ZNG1B: variants seen among roughly 807,000 people sequenced by gnomAD.
ZNG1B encodes zinc-regulated GTPase metalloprotein activator 1B.
chr2:113,443,000 G>T, the ZNG1B span, among the ~76,000 whole-genome samples: 1 of 149,010 alleles, frequency 6.7e-6, no homozygotes, highest in South Asian at 2.1e-4. Context: ...ATGGAGTCTC[G>T]CTGTGTTGCC....
the ZNG1B span, chr2:113,437,708 T>C: frequency 6.6e-7 from 1 of 1,515,446 alleles, no homozygotes; most frequent in Non-Finnish European, 8.9e-7. Flanking sequence ...GAGGCGCTTC[T>C]CGTCCAGAGC....
chr2:113,454,108 T>C, the ZNG1B span, among the ~76,000 whole-genome samples: 4 of 152,148 alleles, frequency 2.6e-5, no homozygotes, highest in Non-Finnish European at 5.9e-5. Context: ...CTGGGCCCCA[T>C]CATTGAGCTC....
chr2:113,474,078 G>C, the ZNG1B span, among the ~76,000 whole-genome samples: 1 of 151,822 alleles, frequency 6.6e-6, no homozygotes, highest in African/African-American at 2.4e-5. Context: ...GTTCCTCCTT[G>C]TACCTCTGGT....
the ZNG1B span, chr2:113,444,290 G>C: frequency 4.6e-6 from 1 of 216,482 alleles, no homozygotes; most frequent in East Asian, 1.4e-4. Flanking sequence ...GTCTACCATA[G>C]ACCCTAGAAG....
the ZNG1B span, chr2:113,469,329 G>C: frequency 6.7e-6 from 1 of 149,582 alleles, no homozygotes; most frequent in Non-Finnish European, 1.5e-5. Context: ...TTTTAGTAGA[G>C]ACGGTTTCGC....
the ZNG1B span, among the ~76,000 whole-genome samples, chr2:113,479,624 G>T: frequency 6.6e-6 from 1 of 152,000 alleles, no homozygotes; most frequent in Non-Finnish European, 1.5e-5. Context: ...TTACTTCAAG[G>T]TTCCAGCCCT....
the ZNG1B span, among the ~76,000 whole-genome samples, chr2:113,475,858 C>T: frequency 9.9e-5 from 15 of 151,842 alleles, no homozygotes; most frequent in South Asian, 2.1e-4. Flanking sequence ...CCAAGAGATC[C>T]GCTGTTAGTC....
At chr2:113,461,382 T>A in the ZNG1B span, among the ~76,000 whole-genome samples, 2 of 151,992 alleles carry the variant, frequency 1.3e-5, no homozygotes, top group Non-Finnish European at 2.9e-5. Context: ...TGTGCCTGGC[T>A]GAACTTAAGT....
chr2:113,438,958 A>G, the ZNG1B span: 2 of 1,521,466 alleles, frequency 1.3e-6, no homozygotes, highest in Non-Finnish European at 1.8e-6. Flanking sequence ...CTGTAAGTTT[A>G]TTCCCGTTTT....
At chr2:113,487,405 C>A in the ZNG1B span, among the ~76,000 whole-genome samples, 2 of 152,268 alleles carry the variant, frequency 1.3e-5, no homozygotes, top group African/African-American at 4.8e-5. Flanking sequence ...ATGAGACCTA[C>A]CTTCTTCCAC....
the ZNG1B span, among the ~76,000 whole-genome samples, chr2:113,459,772 C>T: frequency 2.0e-5 from 3 of 148,068 alleles, no homozygotes; most frequent in Non-Finnish European, 4.5e-5. Flanking sequence ...CTCTAAACCT[C>T]AGTAGCCAGC....
At chr2:113,478,129 A>G in the ZNG1B span, among the ~76,000 whole-genome samples, 1 of 152,158 alleles carries the variant, frequency 6.6e-6, no homozygotes, top group Non-Finnish European at 1.5e-5. Context: ...ATATCTCATA[A>G]GTCTCGTATA....
chr2:113,459,173 T>A, the ZNG1B span, among the ~76,000 whole-genome samples: 2 of 152,038 alleles, frequency 1.3e-5, no homozygotes, highest in African/African-American at 4.8e-5. Context: ...GTGACTTCCA[T>A]AATTGCAGAG....
At chr2:113,443,551 ATG>A in the ZNG1B span, among the ~76,000 whole-genome samples, 4 of 142,156 alleles carry the variant, frequency 2.8e-5, no homozygotes, top group Non-Finnish European at 6.0e-5. Context: ...TCAGTTTAGG[ATG>A]TGTCTTTTTC....
chr2:113,445,682 T>C, the ZNG1B span: 1 of 149,172 alleles, frequency 6.7e-6, no homozygotes, highest in Non-Finnish European at 1.5e-5. Flanking sequence ...AAGCTCTAAT[T>C]CTTGATAAAG....
the ZNG1B span, among the ~76,000 whole-genome samples, chr2:113,471,513 G>A: frequency 1.0e-3 from 152 of 148,048 alleles, no homozygotes; most frequent in African/African-American, 3.4e-3. Context: ...TTAAGTTTTA[G>A]GGTACATGTG....
At chr2:113,475,395 G>C in the ZNG1B span, among the ~76,000 whole-genome samples, 1 of 151,814 alleles carries the variant, frequency 6.6e-6, no homozygotes, top group African/African-American at 2.4e-5. Flanking sequence ...CTGCACGTGA[G>C]ATGGGTTTCC....
At chr2:113,468,142 C>G in the ZNG1B span, among the ~76,000 whole-genome samples, 1 of 151,492 alleles carries the variant, frequency 6.6e-6, no homozygotes, top group South Asian at 2.1e-4. Flanking sequence ...TGAAGTGCCA[C>G]TGGGGAAGGC....
At chr2:113,470,178 G>C in the ZNG1B span, 3 of 150,672 alleles carry the variant, frequency 2.0e-5, no homozygotes, top group Non-Finnish European at 3.0e-5. Flanking sequence ...TTTTGGTAGA[G>C]ACAGGGTTTC....
Sources: gnomAD v4.1 joint callset for allele counts (sites outside exome capture counted in the v4.1 genomes callset) on GRCh38, gnomAD v4.1.1 for gene constraint, MANE v1.5 for transcripts, NCBI Gene and HGNC (gene_info 2026-07-23, HGNC 2026-07-21) for gene names.